The following HSD17B4 variants were observed in gnomAD, a reference collection of about 807,000 sequenced individuals.
HSD17B4 encodes the protein peroxisomal multifunctional enzyme type 2.
HSD17B4 carries 70 observed loss-of-function variants against 101.0 expected under a neutral mutation model. The ratio of observed to expected loss-of-function variants is 0.69; its 90% CI spans 0.57 to 0.85. HSD17B4 has a LOEUF of 0.85. Among genes scored for constraint, HSD17B4 ranks in the 40% least tolerant of loss-of-function variants. The pLI is 0.00. For synonymous variants in HSD17B4, 347 were observed against 297.1 expected (o/e 1.17, Z -1.73); for missense variants, 984 against 892.4 (o/e 1.10, Z -1.31).
Position 119,542,117 on chromosome 5 carries a change from A to G in HSD17B4, c.*123A>G, listed in dbSNP as rs956800775. The G allele has an allele frequency of 4.2e-6, 3 of 709,628 alleles. No homozygotes were observed. The highest frequency in any genetic ancestry group is 4.3e-5 in the Admixed American group (2 of 46,892). 44.0% of individuals were successfully genotyped at this position (709,628 alleles called of 1,614,324 possible). A position where few individuals can be genotyped will look rare whatever the true frequency, so the allele number is the denominator to read the frequency against. ...AGGGGAAATTGCTTAACATTTTCAG[A>G]TATCAGATAACTGCAGATTTTCATT... is the stretch of plus-strand genomic sequence containing the variant. On this transcript the variant is annotated 3_prime_UTR_variant, in exon 24 of 24. Transcript: ENST00000510025.
chr5:119,525,046 C>A (rs971872535), intron 17 of HSD17B4, among the ~76,000 whole-genome samples, 170 bp from the exon 18 acceptor site: 3 of 151,988 alleles, frequency 2.0e-5, no homozygotes, highest in Non-Finnish European at 4.4e-5. Context: ...GTTAAAAAAA[C>A]ATTTCATTAT....
At chr5:119,473,314 CTT>C (rs767536359) in intron 2 of HSD17B4, among the ~76,000 whole-genome samples, 9 of 58,398 alleles carry the variant, frequency 1.5e-4, no homozygotes, top group Non-Finnish European at 2.5e-4. Context: ...TTCCCTGCTC[CTT>C]TTTTTTTTTT....
intron 18 of HSD17B4, 36 bp downstream of exon 18, chr5:119,525,321 T>TAA: frequency 8.1e-7 from 1 of 1,230,878 alleles, no homozygotes; most frequent in Non-Finnish European, 1.2e-6. Context: ...TGAAAAATAT[T>TAA]AGCTATTCGA....
intron 10 of HSD17B4, 127 bp downstream of exon 10, chr5:119,492,251 C>A: frequency 1.3e-6 from 1 of 778,034 alleles, no homozygotes; most frequent in Non-Finnish European, 2.4e-6. Flanking sequence ...CATATTCAAA[C>A]TTAAACATTG....
intron 22 of HSD17B4, among the ~76,000 whole-genome samples, chr5:119,532,896 G>C: frequency 6.6e-6 from 1 of 152,060 alleles, no homozygotes; most frequent in Non-Finnish European, 1.5e-5. Context: ...TGGTGGTGAA[G>C]TGTGACTTGA....
intron 2 of HSD17B4, among the ~76,000 whole-genome samples, chr5:119,473,651 C>A (rs1464782588): frequency 6.6e-6 from 1 of 152,098 alleles, no homozygotes; most frequent in Non-Finnish European, 1.5e-5. Flanking sequence ...AGGAAAAACA[C>A]TGCACAGTTA....
At chr5:119,487,254 T>G (rs923828493) in intron 8 of HSD17B4, 1 of 151,314 alleles carries the variant, frequency 6.6e-6, no homozygotes, top group Admixed American at 6.6e-5. Flanking sequence ...TTTTTTTTTT[T>G]TTTTCTGGTT....
At chr5:119,510,733 A>G (rs1322028058) in intron 16 of HSD17B4, among the ~76,000 whole-genome samples, 2 of 152,072 alleles carry the variant, frequency 1.3e-5, no homozygotes, top group Non-Finnish European at 1.5e-5. Context: ...TTGAGTCACA[A>G]CCCCTCCCTT....
At chr5:119,475,938 T>G in intron 6 of HSD17B4, 68 bp downstream of exon 6, 1 of 1,199,466 alleles carries the variant, frequency 8.3e-7, no homozygotes, top group Non-Finnish European at 1.2e-6. Flanking sequence ...ATTTGATAAA[T>G]TTATACATTT....
intron 1 of HSD17B4, among the ~76,000 whole-genome samples, chr5:119,456,073 A>C (rs1754609465): frequency 6.6e-6 from 1 of 152,172 alleles, no homozygotes; most frequent in South Asian, 2.1e-4. Flanking sequence ...GCATCCTAGC[A>C]GCTAAGTAGA....
intron 3 of HSD17B4, 22 bp from the exon 4 acceptor site, chr5:119,474,379 T>C (rs778319172): frequency 1.3e-6 from 2 of 1,570,398 alleles, no homozygotes; most frequent in African/African-American, 1.4e-5. Context: ...CGAAATTTCA[T>C]ACAAATTTTC....
At chr5:119,492,512 A>AG in intron 10 of HSD17B4, 1 of 198,488 alleles carries the variant, frequency 5.0e-6, no homozygotes, top group Non-Finnish European at 1.0e-5. Context: ...AGATGGGTTG[A>AG]GCCTATTCTA....
At chr5:119,472,737 C>T (rs1230569772) in intron 2 of HSD17B4, among the ~76,000 whole-genome samples, 4 of 152,220 alleles carry the variant, frequency 2.6e-5, no homozygotes, top group South Asian at 4.1e-4. Flanking sequence ...CCCGGCCCAA[C>T]GTAATTGGTA....
intron 21 of HSD17B4, 37 bp downstream of exon 21, chr5:119,530,017 A>T (rs748610159): frequency 8.2e-7 from 1 of 1,213,856 alleles, no homozygotes; most frequent in Non-Finnish European, 1.2e-6. Context: ...CCACTTCCTC[A>T]TTTAGGAATT....
chr5:119,456,738 A>G (rs1754720972), intron 2 of HSD17B4: 1 of 254,614 alleles, frequency 3.9e-6, no homozygotes, highest in Admixed American at 5.1e-5. Context: ...TGGCGCAAAA[A>G]AAACCCTGTT....
At chr5:119,533,034 G>A (rs937375621) in intron 22 of HSD17B4, among the ~76,000 whole-genome samples, 2 of 152,056 alleles carry the variant, frequency 1.3e-5, no homozygotes, top group Non-Finnish European at 1.5e-5. Flanking sequence ...CATGTTTTAT[G>A]TATTATATTT....
At chr5:119,538,114 A>G (rs1346950847) in intron 23 of HSD17B4, among the ~76,000 whole-genome samples, 1 of 152,112 alleles carries the variant, frequency 6.6e-6, no homozygotes, top group Non-Finnish European at 1.5e-5. Flanking sequence ...GGCATGTCAA[A>G]CTTACTGTGA....
intron 10 of HSD17B4, chr5:119,492,425 A>C: frequency 3.0e-6 from 1 of 333,548 alleles, no homozygotes; most frequent in Non-Finnish European, 5.6e-6. Context: ...TCATCCTCCC[A>C]TGTCTTTGAC....
chr5:119,514,519 A>G (rs938741975), intron 16 of HSD17B4, among the ~76,000 whole-genome samples: 3 of 152,196 alleles, frequency 2.0e-5, no homozygotes, highest in African/African-American at 7.2e-5. Flanking sequence ...AAGTGTTGGC[A>G]TTAAGGGATC....
Sources: allele counts gnomAD v4.1 joint callset (sites outside exome capture counted in the v4.1 genomes callset), GRCh38; gene constraint gnomAD v4.1.1; transcripts MANE v1.5; gene names NCBI Gene and HGNC (gene_info 2026-07-23, HGNC 2026-07-21).